Variants in QSOX2 observed in about 807,000 individuals in gnomAD.
The protein encoded by QSOX2 is sulfhydryl oxidase 2.
Under a neutral mutation model 61.7 loss-of-function variants are expected in QSOX2, and 46 were observed. That is an observed-to-expected ratio of 0.75 (90% CI 0.59 to 0.95). QSOX2 has a LOEUF of 0.95. Ranked by LOEUF, QSOX2 falls within the 40% of genes least tolerant of loss-of-function variation. The probability of loss-of-function intolerance (pLI) is 0.00; values close to 1 mark genes in which losing one functional copy is unlikely to be tolerated. For missense variants in QSOX2, 879 were observed against 918.9 expected (o/e 0.96, Z 0.56); for synonymous variants, 383 against 388.4 (o/e 0.99, Z 0.16).
chr9:136,236,957 TC>T (rs1476500359), intron 1 of QSOX2, among the ~76,000 whole-genome samples: 3 of 133,432 alleles, frequency 2.2e-5, no homozygotes, highest in African/African-American at 8.8e-5. Flanking sequence ...CTGGTGCCCG[TC>T]CTGTGCCACA....
Position 136,241,663 on chromosome 9 carries a change from C to T in QSOX2, c.328+3813G>A, listed in dbSNP as rs540398406. On this transcript the variant is annotated intron_variant, in intron 1 of 11. Transcript: ENST00000358701. ...CGTGACCGTGACTATCCCACGCAACCTCACGTGCTATCACCTGCAACATGA... is the reference window on the plus strand; with the variant it reads ...CGTGACCGTGACTATCCCACGCAACTTCACGTGCTATCACCTGCAACATGA... 5.3e-5 allele frequency among the ~76,000 whole-genome samples: 8 copies of T among 152,360 alleles called. No individual in the cohort carries two copies. The East Asian group carries it at 1.3e-3, about 26-fold the overall frequency.
chr9:136,215,191 A>G lies in QSOX2; in HGVS notation c.1323T>C (p.Val441=), dbSNP rs1369036486. Residue 441 remains valine, a synonymous_variant, in exon 10 of 12, where the codon GTT becomes GTC. Transcript: ENST00000358701. ...GTGCATCTGGGTGGGTCGAGGCTTC[A>G]ACAGTCAAAGTGTGGAACAGTTTCC... The part of the protein sequence containing the change: ...SLWKLFHTLT[V]EASTHPDALV... 21 of 1,614,072 alleles carry G rather than the reference A, an allele frequency of 1.3e-5. No homozygotes were observed. Among genetic ancestry groups the G allele is most frequent in the Non-Finnish European group, 1.8e-5 (21 of 1,180,020 alleles).
intron 8 of QSOX2, among the ~76,000 whole-genome samples, chr9:136,217,180 G>A (rs1388939529): frequency 3.3e-5 from 5 of 152,384 alleles, no homozygotes; most frequent in South Asian, 4.1e-4. Context: ...CACATGCGCC[G>A]GCAGCCGGGG....
intron 1 of QSOX2, among the ~76,000 whole-genome samples, chr9:136,230,397 C>A (rs989602050): frequency 2.0e-5 from 3 of 152,216 alleles, no homozygotes; most frequent in Non-Finnish European, 4.4e-5. Context: ...CTCTGTAACA[C>A]CTGGAATGCA....
At chr9:136,237,524 A>ACACCTGGAGCCCGTCCTGTGCCGGCGT (rs1830397462) in intron 1 of QSOX2, among the ~76,000 whole-genome samples, 2 of 30,276 alleles carry the variant, frequency 6.6e-5, no homozygotes, top group African/African-American at 2.8e-4. Flanking sequence ...TGTGCCGGCG[A>ACACCTGGAGCCCGTCCTGTGCCGGCGT]CACCTGGAGC....
At chr9:136,234,644 TA>T (rs1178392348) in intron 1 of QSOX2, among the ~76,000 whole-genome samples, 3 of 152,298 alleles carry the variant, frequency 2.0e-5, no homozygotes, top group Non-Finnish European at 4.4e-5. Context: ...CTGCTGTCAC[TA>T]AGACCTCTCC....
At chr9:136,238,372 T>G (rs1440829974) in intron 1 of QSOX2, among the ~76,000 whole-genome samples, 1 of 152,034 alleles carries the variant, frequency 6.6e-6, no homozygotes, top group Non-Finnish European at 1.5e-5. Context: ...AGACAAGACA[T>G]GGCCTTCGGT....
chr9:136,208,766 T>C lies in QSOX2; in HGVS notation c.2059A>G (p.Arg687Gly). The C allele has an allele frequency of 6.2e-7, 1 of 1,613,500 alleles. No homozygotes were observed. Among genetic ancestry groups the C allele is most frequent in the South Asian group, 1.1e-5 (1 of 91,074 alleles). The change falls in exon 12 of 12, where the codon AGG (arginine) becomes GGG (glycine). Residue 687 changes from arginine (R) to glycine (G), a missense_variant. Physicochemically the swap from Arg to Gly is moderately radical, Grantham distance 125 (BLOSUM62 -2). Coordinates refer to ENST00000358701, the MANE Select transcript of QSOX2 (RefSeq NM_181701.4). ...VMYFFFRVRS[R>G]RWKVKHHHPA... ...TGGTGGTGCTTGACCTTCCACCGCC[T>C]GGACCTCACCCGGAAGAAGAAGTAC...
chr9:136,226,415 C>T (rs192424262), intron 2 of QSOX2, among the ~76,000 whole-genome samples: 5 of 152,320 alleles, frequency 3.3e-5, no homozygotes, highest in Middle Eastern at 3.4e-3. Flanking sequence ...CCATGGTACA[C>T]GGACCACACG....
rs144436336 is a variant in QSOX2, at chr9:136,220,606, G to GCCTCACGCTGTCCTTCT, written c.821+1173_821+1189dup. ...GGGCCACCCAGTGTAGGGCAGGCTA[G>GCCTCACGCTGTCCTTCT]CCTCACGCTGTCCTTCTCCTCACGC... On this transcript the variant is annotated intron_variant, in intron 6 of 11. Coordinates refer to ENST00000358701, the MANE Select transcript of QSOX2 (RefSeq NM_181701.4). 2.6e-5 allele frequency among the ~76,000 whole-genome samples: 4 copies of GCCTCACGCTGTCCTTCT among 152,112 alleles called. No individual in the cohort carries two copies. The East Asian group carries it at 5.8e-4, about 22-fold the overall frequency.
chr9:136,224,353 G>A (rs1156336070), intron 3 of QSOX2, among the ~76,000 whole-genome samples: 1 of 152,230 alleles, frequency 6.6e-6, no homozygotes, highest in East Asian at 1.9e-4. Flanking sequence ...GGGCCACAGG[G>A]ACAGGCAACA....
chr9:136,216,520 G>A (rs1831915427), intron 9 of QSOX2, 80 bp downstream of exon 9: 3 of 1,571,936 alleles, frequency 1.9e-6, no homozygotes, highest in Non-Finnish European at 2.6e-6. Context: ...CCCGAGCAGG[G>A]AGATGCACCA....
chr9:136,211,426 G>A lies in QSOX2; in HGVS notation c.1387C>T (p.Leu463=). The A allele has an allele frequency of 6.2e-7, 1 of 1,614,130 alleles. No individual in the cohort carries two copies. Reference sequence around the variant, plus strand: ...TGAACGTACCTCCTCATTGTCTGCAGCACAGCCTGGGGGTCGTCTTCAAAG... The same window carrying A: ...TGAACGTACCTCCTCATTGTCTGCAACACAGCCTGGGGGTCGTCTTCAAAG... The part of the protein sequence containing the change: ...TGFEDDPQAV[L]QTMRRYVHTF... Residue 463 remains leucine (L), a synonymous_variant, in exon 11 of 12, where the codon CTG becomes TTG. Transcript: ENST00000358701.
chr9:136,231,996 C>T (rs1464466015), intron 1 of QSOX2, among the ~76,000 whole-genome samples: 1 of 151,948 alleles, frequency 6.6e-6, no homozygotes, highest in African/African-American at 2.4e-5. Flanking sequence ...GGAACTGTCC[C>T]ACCCACTGAC....
chr9:136,208,587 T>C lies in QSOX2; in HGVS notation c.*141A>G. 1 of 993,188 alleles carries C rather than the reference T, an allele frequency of 1.0e-6. No homozygotes were observed. Among genetic ancestry groups the C allele is most frequent in the Non-Finnish European group, 1.4e-6 (1 of 707,524 alleles). The allele number at this position is 993,188 out of a possible 1,614,324, so 61.5% of individuals were successfully genotyped here. Reference sequence around the variant, plus strand: ...AAGAGCGTTTGTAAAACCAGGACTTTGAAGCCAAAAGGTGCCATCCGATGT... The same window carrying C: ...AAGAGCGTTTGTAAAACCAGGACTTCGAAGCCAAAAGGTGCCATCCGATGT... On this transcript the variant is annotated 3_prime_UTR_variant, in exon 12 of 12. Transcript: ENST00000358701.
intron 1 of QSOX2, among the ~76,000 whole-genome samples, chr9:136,245,154 A>G (rs907905334): frequency 2.0e-5 from 3 of 152,170 alleles, no homozygotes; most frequent in Non-Finnish European, 4.4e-5. Context: ...GAGCTGGGAT[A>G]CGGGAGGGCT....
chr9:136,223,990 T>C lies in QSOX2; in HGVS notation c.584+17A>G, dbSNP rs760163061. The C allele has an allele frequency of 2.5e-6, 4 of 1,608,770 alleles. No individual in the cohort carries two copies. Among genetic ancestry groups the C allele is most frequent in the Non-Finnish European group, 3.4e-6 (4 of 1,175,562 alleles). ...CAACACGAGTCTAACGGCCGCCTTC[T>C]TCATGGAGCTACTCACTGAATGGGG... On this transcript the variant is annotated intron_variant, in intron 4 of 11. Transcript: ENST00000358701. The surrounding 1 kb of genome is among the most constrained non-coding windows in gnomAD (Gnocchi z 4.4).
In QSOX2 at chr9:136,223,739, C is replaced by T. The variant is rs370533885; in HGVS notation, c.675+24G>A. ...ACCCCAATCACACCACGTGTGACAC[C>T]TGGAGCCCACGCAGAGGCCGTACCT... On this transcript the variant is annotated intron_variant, in intron 5 of 11. Coordinates refer to ENST00000358701, the MANE Select transcript of QSOX2 (RefSeq NM_181701.4). The surrounding 1 kb of genome is among the most constrained non-coding windows in gnomAD (Gnocchi z 4.4). 9.4e-6 allele frequency: 15 copies of T among 1,599,232 alleles called. No individual in the cohort carries two copies. In the Admixed American group the frequency reaches 1.8e-4, roughly 20 times the overall value.
At chr9:136,228,233 G>A (rs939175339) in intron 1 of QSOX2, among the ~76,000 whole-genome samples, 18 of 152,138 alleles carry the variant, frequency 1.2e-4, no homozygotes, top group African/African-American at 4.3e-4. Flanking sequence ...TAATGCACCA[G>A]GGCTGCAGTG....
Sources: allele counts gnomAD v4.1 joint callset (sites outside exome capture counted in the v4.1 genomes callset), GRCh38; gene constraint gnomAD v4.1.1; non-coding constraint Gnocchi (gnomAD v3.1); transcripts MANE v1.5; gene names NCBI Gene and HGNC (gene_info 2026-07-23, HGNC 2026-07-21).